The following FAM25A variants were observed in gnomAD, a reference collection of about 807,000 sequenced individuals.
The protein encoded by FAM25A is protein FAM25A.
FAM25A carries 5 observed loss-of-function variants against 6.6 expected under a neutral mutation model. The ratio of observed to expected loss-of-function variants is 0.75; its 90% confidence interval spans 0.39 to 1.59. The LOEUF (loss-of-function observed/expected upper bound fraction) is 1.59, where lower values mean the gene tolerates loss of function less well. FAM25A is among the 40% of genes most tolerant of loss of function. FAM25A has a pLI of 0.02. For missense variants in FAM25A, 93 were observed against 109.7 expected, an observed-to-expected ratio of 0.85 and a Z score of 0.68; for synonymous variants, 36 against 41.3, an observed-to-expected ratio of 0.87 and a Z score of 0.49.
intron 1 of FAM25A, among the ~76,000 whole-genome samples, chr10:87,020,816 C>A (rs558533164): frequency 2.0e-5 from 3 of 152,262 alleles, no homozygotes; most frequent in African/African-American, 7.2e-5. Flanking sequence ...TCCCCTGAAG[C>A]ATGTTTATTT....
chr10:87,023,235 AT>A (rs781542772), intron 2 of FAM25A, among the ~76,000 whole-genome samples: 3,408 of 152,098 alleles, frequency 0.022, 65 homozygotes, highest in Middle Eastern at 0.075. Flanking sequence ...AAAAAAAAAA[AT>A]TTAACATGTA....
In FAM25A at chr10:87,024,604, A is replaced by T. The variant is rs1845360793; in HGVS notation, c.200A>T (p.Glu67Val). The T allele has an allele frequency of 7.2e-6, 11 of 1,535,692 alleles. No homozygotes were observed. Among genetic ancestry groups the T allele is most frequent in the Non-Finnish European group, 8.7e-6 (10 of 1,146,914 alleles). ...GACAAAAAGATGAAGGAAATCACTG[A>T]GACAGTGACCAACACAGTCACAAAT... ...SGDKKMKEIT[E>V]TVTNTVTNAI... The change falls in exon 3 of 3, where the codon GAG becomes GTG. Residue 67 changes from glutamate (E) to valine (V), a missense_variant. Physicochemically the swap from Glu to Val is moderately radical, Grantham distance 121 (BLOSUM62 -2). Coordinates refer to ENST00000343959, the MANE Select transcript of FAM25A (RefSeq NM_001146157.3).
At chr10:87,023,949 A>AC (rs1845354845) in intron 2 of FAM25A, among the ~76,000 whole-genome samples, 1 of 151,946 alleles carries the variant, frequency 6.6e-6, no homozygotes, top group African/African-American at 2.4e-5. Flanking sequence ...CAAAGGCCCC[A>AC]CCTCTTAATA....
intron 1 of FAM25A, 94 bp downstream of exon 1, chr10:87,020,491 G>A: frequency 6.8e-7 from 1 of 1,475,884 alleles, no homozygotes; most frequent in Non-Finnish European, 9.1e-7. Flanking sequence ...GTGAGGACCT[G>A]GGAGGAGGCC....
intron 2 of FAM25A, among the ~76,000 whole-genome samples, chr10:87,022,820 G>A (rs1845342406): frequency 1.3e-5 from 2 of 151,726 alleles, no homozygotes; most frequent in Non-Finnish European, 2.9e-5. Flanking sequence ...CCAGCTACTT[G>A]GGAGGCTGAG....
At chr10:87,024,432 C>T (rs866301885) in intron 2 of FAM25A, 109 bp from the exon 3 acceptor site, 524 of 1,508,802 alleles carry the variant, frequency 3.5e-4, no homozygotes, top group Middle Eastern at 2.8e-3. Context: ...TCCCATCGGG[C>T]CACTCCAGAG....
intron 1 of FAM25A, 98 bp from the exon 2 acceptor site, chr10:87,022,216 C>G: frequency 2.1e-6 from 3 of 1,428,768 alleles, no homozygotes; most frequent in South Asian, 2.4e-5. Context: ...TCACCCTGGA[C>G]TGGGAGGGCA....
chr10:87,023,459 G>A (rs1845348963), intron 2 of FAM25A, among the ~76,000 whole-genome samples: 1 of 152,188 alleles, frequency 6.6e-6, no homozygotes, highest in Non-Finnish European at 1.5e-5. Flanking sequence ...AGTGGCTCAC[G>A]CCTGTAATCC....
At chr10:87,021,278 G>T (rs1453046994) in intron 1 of FAM25A, among the ~76,000 whole-genome samples, 1 of 152,206 alleles carries the variant, frequency 6.6e-6, no homozygotes, top group African/African-American at 2.4e-5. Context: ...TTTTGACTCT[G>T]CAGCTGGTGT....
At position 87,024,550 on chromosome 10, in the gene FAM25A, A is replaced by G. The variant is rs1845360282; in HGVS notation, c.146A>G (p.Glu49Gly). 2.6e-6 allele frequency: 4 copies of G among 1,535,686 alleles called. No individual in the cohort carries two copies. In the African/African-American group the frequency reaches 5.5e-5, roughly 21 times the overall value. The change falls in exon 3 of 3, where the codon GAA becomes GGA. Residue 49 changes from glutamate (E) to glycine (G), a missense_variant. Transcript: ENST00000343959. ...TCTTTCTTTCCAACAGCCATTGCTG[A>G]AGCCATAAAGAAAGCCCAAGAGTCA... ...AKETGEKAIA[E>G]AIKKAQESGD...
At chr10:87,021,019 G>C (rs1167598769) in intron 1 of FAM25A, among the ~76,000 whole-genome samples, 1 of 152,120 alleles carries the variant, frequency 6.6e-6, no homozygotes, top group Non-Finnish European at 1.5e-5. Context: ...GCAGAGACAG[G>C]GTTTCGCCAT....
At chr10:87,020,496 G>A (rs1589337725) in intron 1 of FAM25A, 99 bp downstream of exon 1, 2 of 1,458,114 alleles carry the variant, frequency 1.4e-6, no homozygotes, top group East Asian at 2.5e-5. Context: ...GACCTGGGAG[G>A]AGGCCTTGGC....
In FAM25A at chr10:87,024,675, G is replaced by A. The variant is rs546537032; in HGVS notation, c.*1G>A. ...GAGTCTGGACAAACTTGGACAGTGAGTGCACCTGCTACCACGGCCCTTCCC... is the reference window on the plus strand; with the variant it reads ...GAGTCTGGACAAACTTGGACAGTGAATGCACCTGCTACCACGGCCCTTCCC... On this transcript the variant is annotated 3_prime_UTR_variant, in exon 3 of 3. Coordinates refer to ENST00000343959, the MANE Select transcript of FAM25A (RefSeq NM_001146157.3). The A allele has an allele frequency of 3.3e-6, 5 of 1,535,674 alleles. No homozygotes were observed. Among genetic ancestry groups the A allele is most frequent in the Non-Finnish European group, 4.4e-6 (5 of 1,146,910 alleles).
At chr10:87,022,467 A>C in intron 2 of FAM25A, 91 bp downstream of exon 2, 2 of 1,451,138 alleles carry the variant, frequency 1.4e-6, no homozygotes, top group Non-Finnish European at 1.9e-6. Context: ...ACCAGGTCAA[A>C]CTCTGCCCCC....
In FAM25A at chr10:87,024,646, CAG is replaced by C. The variant is rs2133757785; in HGVS notation, c.247_248del (p.Leu84GlyfsTer19). 5 of 1,535,806 alleles carry C rather than the reference CAG, an allele frequency of 3.3e-6. No individual in the cohort carries two copies. The highest frequency in any genetic ancestry group is 2.4e-5 in the East Asian group (1 of 40,926). Reference sequence around the variant, plus strand: ...GTCACAAATGCCATCACCCATGCAGCAGAGAGTCTGGACAAACTTGGACAGTG... The same window carrying C: ...GTCACAAATGCCATCACCCATGCAGCAGAGTCTGGACAAACTTGGACAGTG... On this transcript the variant is annotated frameshift_variant, in exon 3 of 3. Transcript: ENST00000343959. LOFTEE classifies it high-confidence loss of function.
intron 2 of FAM25A, 61 bp downstream of exon 2, chr10:87,022,437 G>A (rs1254655534): frequency 2.0e-6 from 3 of 1,531,932 alleles, no homozygotes; most frequent in Non-Finnish European, 1.8e-6. Context: ...TAGGTGCTGG[G>A]CCAACCTGTT....
chr10:87,020,438 C>A (rs1484529473), intron 1 of FAM25A, 41 bp downstream of exon 1: 1 of 1,545,806 alleles, frequency 6.5e-7, no homozygotes, highest in Admixed American at 2.0e-5. Context: ...CTGGGGGGAT[C>A]TGGGGCAGAC....
At chr10:87,023,370 C>T (rs966491442) in intron 2 of FAM25A, among the ~76,000 whole-genome samples, 21 of 152,140 alleles carry the variant, frequency 1.4e-4, no homozygotes, top group Admixed American at 6.5e-4. Context: ...CTTAAATTTA[C>T]ATAAATGAAT....
chr10:87,020,463 G>A, intron 1 of FAM25A, 66 bp downstream of exon 1: 1 of 1,534,802 alleles, frequency 6.5e-7, no homozygotes. Flanking sequence ...TCTGTGGGAG[G>A]CGGATCTAAG....
Sources: allele counts gnomAD v4.1 joint callset (sites outside exome capture counted in the v4.1 genomes callset), GRCh38; gene constraint gnomAD v4.1.1; transcripts MANE v1.5; gene names NCBI Gene and HGNC (gene_info 2026-07-23, HGNC 2026-07-21).